Variants in PPARGC1A observed in about 807,000 individuals in gnomAD.
PPARGC1A encodes the protein PPARG coactivator 1 alpha, also known as peroxisome proliferator-activated receptor gamma coactivator 1-alpha.
In PPARGC1A, 25 loss-of-function variants were observed where a neutral mutation model predicts 88.7. That is an observed-to-expected ratio of 0.28 (90% CI 0.21 to 0.39). The LOEUF is 0.39. Among genes scored for constraint, PPARGC1A ranks in the 10% least tolerant of loss-of-function variants. The pLI is 1.00. For synonymous variants in PPARGC1A, 363 were observed against 355.6 expected (o/e 1.02, Z -0.24); for missense variants, 880 against 968.7 (o/e 0.91, Z 1.22).
intron 7 of PPARGC1A, among the ~76,000 whole-genome samples, 171 bp downstream of exon 7, chr4:23,824,109 T>G (rs2290602): frequency 0.37 from 44,926 of 120,622 alleles, 7,116 homozygotes; most frequent in Admixed American, 0.44. Context: ...TTTTTATTAG[T>G]TTTTTTTTTT....
chr4:24,451,013 A>T, the PPARGC1A span, among the ~76,000 whole-genome samples: 1 of 152,348 alleles, frequency 6.6e-6, no homozygotes, highest in Non-Finnish European at 1.5e-5. Flanking sequence ...AACTACAGGG[A>T]ATTTGATTAG....
chr4:24,470,289 C>G, the PPARGC1A span, among the ~76,000 whole-genome samples: 4 of 136,320 alleles, frequency 2.9e-5, no homozygotes, highest in East Asian at 4.1e-4. The surrounding 1 kb of genome is among the most constrained non-coding windows in gnomAD (Gnocchi z 5.8). Flanking sequence ...CACACACACA[C>G]ACACACACAC....
At chr4:24,314,663 G>A in the PPARGC1A span, among the ~76,000 whole-genome samples, 1 of 152,136 alleles carries the variant, frequency 6.6e-6, no homozygotes, top group African/African-American at 2.4e-5. Flanking sequence ...ATCAATTCTG[G>A]ATGGTGATAA....
intron 2 of PPARGC1A, among the ~76,000 whole-genome samples, chr4:23,837,684 T>G (rs890467055): frequency 1.3e-5 from 2 of 152,206 alleles, no homozygotes; most frequent in Non-Finnish European, 2.9e-5. Flanking sequence ...CATCTGGTAA[T>G]GTATTCCAAA....
chr4:24,099,625 G>A, the PPARGC1A span, among the ~76,000 whole-genome samples: 2 of 152,090 alleles, frequency 1.3e-5, no homozygotes, highest in Non-Finnish European at 2.9e-5. Context: ...CTTTAGAAAT[G>A]ACCAAATTCT....
At chr4:23,969,213 ATGTC>A in the PPARGC1A span, among the ~76,000 whole-genome samples, 1 of 152,156 alleles carries the variant, frequency 6.6e-6, no homozygotes, top group East Asian at 1.9e-4. Context: ...GTCTCGATAA[ATGTC>A]TGTTTAGAGT....
intron 7 of PPARGC1A, among the ~76,000 whole-genome samples, chr4:23,821,046 T>A (rs899357622): frequency 3.3e-5 from 5 of 152,130 alleles, no homozygotes; most frequent in Admixed American, 2.0e-4. Context: ...GATCATGACA[T>A]TCCCCATGAG....
the PPARGC1A span, among the ~76,000 whole-genome samples, chr4:24,309,550 A>C: frequency 5.9e-5 from 9 of 152,116 alleles, no homozygotes; most frequent in Non-Finnish European, 4.4e-5. Flanking sequence ...GATCACTGAA[A>C]GGTTTCTACC....
chr4:24,338,614 C>T, the PPARGC1A span, among the ~76,000 whole-genome samples: 622 of 152,284 alleles, frequency 4.1e-3, 16 homozygotes, highest in Admixed American at 0.032. Context: ...TACCAACCCC[C>T]GTTTCAAGTC....
chr4:23,832,131 T>C (rs1725112970), intron 2 of PPARGC1A, among the ~76,000 whole-genome samples: 1 of 152,176 alleles, frequency 6.6e-6, no homozygotes, highest in Admixed American at 6.5e-5. Flanking sequence ...ACCATCAATT[T>C]CATTTTCAGA....
chr4:24,370,446 A>T, the PPARGC1A span, among the ~76,000 whole-genome samples: 19 of 152,206 alleles, frequency 1.2e-4, no homozygotes, highest in Non-Finnish European at 2.2e-4. Context: ...AATAACACAA[A>T]AAAAGAGTAG....
the PPARGC1A span, among the ~76,000 whole-genome samples, chr4:24,370,978 T>A: frequency 6.6e-6 from 1 of 151,988 alleles, no homozygotes; most frequent in African/African-American, 2.4e-5. Flanking sequence ...CCCCTCTGTG[T>A]GTCCATGTGT....
chr4:24,030,387 T>C, the PPARGC1A span, among the ~76,000 whole-genome samples: 1 of 152,208 alleles, frequency 6.6e-6, no homozygotes, highest in African/African-American at 2.4e-5. Flanking sequence ...CTGATGTCAA[T>C]AGTCTGAGAA....
chr4:23,880,241 A>G (rs556242817), intron 2 of PPARGC1A, among the ~76,000 whole-genome samples: 140 of 152,310 alleles, frequency 9.2e-4, no homozygotes, highest in African/African-American at 3.2e-3. Flanking sequence ...ACAGCCTTGC[A>G]TGGTTTCCTA....
In PPARGC1A at chr4:23,795,329, A is replaced by ATATATATATTTT. The variant is rs1335453292; in HGVS notation, c.*492_*493insAAAATATATATA. ...TATATATATATATATATATATATAT[A>ATATATATATTTT]TTTCCTTTTGAATAGAATACGAACA... On this transcript the variant is annotated 3_prime_UTR_variant, in exon 13 of 13. Transcript: ENST00000264867. The ATATATATATTTT allele has an allele frequency of 9.5e-5, 1 of 10,520 alleles. No individual in the cohort carries two copies. Among genetic ancestry groups the ATATATATATTTT allele is most frequent in the East Asian group, 1.4e-3 (1 of 700 alleles). 0.7% of individuals were successfully genotyped at this position (10,520 alleles called of 1,614,324 possible). A position where few individuals can be genotyped will look rare whatever the true frequency, so the allele number is the denominator to read the frequency against.
chr4:24,203,932 C>G, the PPARGC1A span, among the ~76,000 whole-genome samples: 1 of 152,294 alleles, frequency 6.6e-6, no homozygotes, highest in East Asian at 1.9e-4. Flanking sequence ...AAGTTGCTAG[C>G]GTAGAGCATA....
the PPARGC1A span, among the ~76,000 whole-genome samples, chr4:24,198,101 T>G: frequency 6.6e-6 from 1 of 152,332 alleles, no homozygotes; most frequent in South Asian, 2.1e-4. Context: ...AAAGCAACTT[T>G]TGAAAGCAAC....
At chr4:24,065,671 T>C in the PPARGC1A span, among the ~76,000 whole-genome samples, 1 of 152,144 alleles carries the variant, frequency 6.6e-6, no homozygotes, top group South Asian at 2.1e-4. Context: ...AGGTTAGGCA[T>C]TGAGCTAGAG....
chr4:24,280,387 C>T, the PPARGC1A span, among the ~76,000 whole-genome samples: 6 of 152,182 alleles, frequency 3.9e-5, no homozygotes, highest in Admixed American at 2.0e-4. Flanking sequence ...AGTTTTTGTT[C>T]TCAGAAATAT....
Sources: gnomAD v4.1 joint callset for allele counts (sites outside exome capture counted in the v4.1 genomes callset) on GRCh38, gnomAD v4.1.1 for gene constraint, Gnocchi (gnomAD v3.1) non-coding constraint, MANE v1.5 for transcripts, NCBI Gene and HGNC (gene_info 2026-07-23, HGNC 2026-07-21) for gene names.